ILDR2: variants seen among roughly 807,000 people sequenced by gnomAD.
The protein encoded by ILDR2 is immunoglobulin-like domain-containing receptor 2.
In ILDR2, 25 loss-of-function variants were observed where a neutral mutation model predicts 66.8. That is an observed-to-expected ratio of 0.37 (90% CI 0.27 to 0.52). The LOEUF (loss-of-function observed/expected upper bound fraction) is 0.52. Among genes scored for constraint, ILDR2 ranks in the 20% least tolerant of loss-of-function variants. ILDR2 has a pLI of 0.88. For synonymous variants in ILDR2, 367 were observed against 357.2 expected, an observed-to-expected ratio of 1.03 and a Z score of -0.31; for missense variants, 827 against 876.8, an observed-to-expected ratio of 0.94 and a Z score of 0.72.
At chr1:166,973,928 G>A (rs1490100254) in intron 1 of ILDR2, among the ~76,000 whole-genome samples, 1 of 152,166 alleles carries the variant, frequency 6.6e-6, no homozygotes, top group African/African-American at 2.4e-5. Context: ...AATGTTAGGG[G>A]CATTTCATTT....
At chr1:166,907,083 T>C (rs1359832669), downstream of ILDR2, 1 of 152,210 alleles carries the variant, frequency 6.6e-6, no homozygotes, top group Non-Finnish European at 1.5e-5. Context: ...TTAGGTCAAT[T>C]TTTTCTTTCT....
chr1:166,943,824 A>AT, intron 3 of ILDR2: 1 of 985,312 alleles, frequency 1.0e-6, no homozygotes, highest in Non-Finnish European at 1.2e-6. Flanking sequence ...AAGAGTGGCA[A>AT]TTACAAGTCA....
intron 3 of ILDR2, among the ~76,000 whole-genome samples, chr1:166,947,894 G>T (rs2101945516): frequency 6.6e-6 from 1 of 152,312 alleles, no homozygotes; most frequent in Non-Finnish European, 1.5e-5. Flanking sequence ...GACCGGGGTG[G>T]CTGGGGGCTT....
chr1:166,906,518 T>C (rs558993509), downstream of ILDR2, among the ~76,000 whole-genome samples: 1 of 152,306 alleles, frequency 6.6e-6, no homozygotes, highest in East Asian at 1.9e-4. Context: ...TCTACAAATG[T>C]TTCTGCATAT....
At chr1:166,950,907 ATGAGC>A (rs1244857805) in intron 3 of ILDR2, among the ~76,000 whole-genome samples, 1 of 152,194 alleles carries the variant, frequency 6.6e-6, no homozygotes, top group East Asian at 1.9e-4. Context: ...TCAATCCCAA[ATGAGC>A]GCCTTACTCA....
At chr1:166,952,666 C>T (rs564237853) in intron 3 of ILDR2, among the ~76,000 whole-genome samples, 9 of 152,250 alleles carry the variant, frequency 5.9e-5, no homozygotes, top group Admixed American at 5.9e-4. Context: ...GTTAGAGCTT[C>T]GGTCAATGGT....
chr1:166,924,073 C>T (rs565710617), intron 7 of ILDR2, among the ~76,000 whole-genome samples: 46 of 152,296 alleles, frequency 3.0e-4, no homozygotes, highest in African/African-American at 1.1e-3. Flanking sequence ...GGTCTCCCAA[C>T]ACAGCCTCCT....
chr1:166,969,256 T>G (rs1434212481), intron 1 of ILDR2, among the ~76,000 whole-genome samples: 1 of 152,184 alleles, frequency 6.6e-6, no homozygotes, highest in African/African-American at 2.4e-5. Flanking sequence ...CTCAGCTGAA[T>G]GCAAGGGCCC....
chr1:166,944,641 C>T (rs1225723576), intron 3 of ILDR2, among the ~76,000 whole-genome samples: 1 of 152,158 alleles, frequency 6.6e-6, no homozygotes. Flanking sequence ...ACACCTTTTT[C>T]TTGGTAGGTT....
At chr1:166,971,454 A>C (rs925233070) in intron 1 of ILDR2, among the ~76,000 whole-genome samples, 2 of 152,104 alleles carry the variant, frequency 1.3e-5, no homozygotes, top group African/African-American at 4.8e-5. Context: ...AGTGACTGGA[A>C]AACTTGGTTT....
At chr1:166,954,110 CT>C (rs1179043653) in intron 3 of ILDR2, among the ~76,000 whole-genome samples, 2 of 152,146 alleles carry the variant, frequency 1.3e-5, no homozygotes, top group East Asian at 3.9e-4. Context: ...AGACCAAATC[CT>C]CCAATCATTC....
chr1:166,941,677 TC>T (rs1661319532), intron 3 of ILDR2, among the ~76,000 whole-genome samples: 2 of 152,216 alleles, frequency 1.3e-5, no homozygotes, highest in African/African-American at 4.8e-5. Context: ...ATTGTTTTTT[TC>T]AATCTGCATA....
chr1:166,920,606 C>G, intron 9 of ILDR2, 101 bp downstream of exon 9: 1 of 1,268,674 alleles, frequency 7.9e-7, no homozygotes, highest in Non-Finnish European at 1.0e-6. Context: ...AGGACCCTCC[C>G]GCCTCGCCAC....
Position 166,920,889 on chromosome 1 carries a change from A to T in ILDR2, c.1702T>A (p.Trp568Arg). The change falls in exon 9 of 10, where the codon TGG (tryptophan) becomes AGG (arginine). Residue 568 changes from tryptophan to arginine, a missense_variant. By Grantham distance (101) the Trp-to-Arg change is moderately radical. This residue lies in a region of ILDR2 where 390 missense variants were observed against 353.6 expected (regional missense o/e 1.10). Transcript: ENST00000271417. ...LGPRSASYYA[W>R]SPPGTYKAGS... ...GCCTTGTAGGTGCCGGGCGGCGACC[A>T]AGCGTAGTAGGAGGCGCTGCGCGGG... 2 of 1,490,562 alleles carry T rather than the reference A, an allele frequency of 1.3e-6. No homozygotes were observed. Among genetic ancestry groups the T allele is most frequent in the Non-Finnish European group, 1.8e-6 (2 of 1,124,748 alleles). The allele number at this position is 1,490,562 out of a possible 1,614,324, so 92.3% of individuals were successfully genotyped here.
intron 3 of ILDR2, among the ~76,000 whole-genome samples, chr1:166,948,305 T>C (rs1371837956): frequency 1.3e-5 from 2 of 152,146 alleles, no homozygotes. Context: ...CCTGTTGTCT[T>C]GCCAGAAATT....
At chr1:166,972,303 C>T (rs1663352594) in intron 1 of ILDR2, among the ~76,000 whole-genome samples, 1 of 152,144 alleles carries the variant, frequency 6.6e-6, no homozygotes, top group South Asian at 2.1e-4. Flanking sequence ...GAAAACACAT[C>T]GCTTGCTCCA....
intron 1 of ILDR2, among the ~76,000 whole-genome samples, chr1:166,965,901 T>C (rs868209975): frequency 7.2e-5 from 11 of 152,138 alleles, no homozygotes; most frequent in Middle Eastern, 3.2e-3. Flanking sequence ...GTTTTTTAAG[T>C]GTAGGAGATG....
chr1:166,953,587 A>T (rs1662112614), intron 3 of ILDR2, among the ~76,000 whole-genome samples: 6 of 152,178 alleles, frequency 3.9e-5, no homozygotes, highest in Admixed American at 3.9e-4. Flanking sequence ...TTGAGGGATT[A>T]GTCCTCTTAG....
rs113576444 is a variant in ILDR2 at position 166,921,481 on chromosome 1, A to G, written c.1212-102T>C. 13 of 980,740 alleles carry G rather than the reference A, an allele frequency of 1.3e-5. No homozygotes were observed. In the African/African-American group the frequency reaches 1.5e-4, roughly 11 times the overall value. 60.8% of individuals were successfully genotyped at this position (980,740 alleles called of 1,614,324 possible). A position where few individuals can be genotyped will look rare whatever the true frequency, so the allele number is the denominator to read the frequency against. On this transcript the variant is annotated intron_variant, in intron 8 of 9. Coordinates refer to ENST00000271417, the MANE Select transcript of ILDR2 (RefSeq NM_199351.3). The surrounding 1 kb of genome is among the most constrained non-coding windows in gnomAD (Gnocchi z 5.3). ...CGTGTCCTGGGGCCACGCTCAGGAGACCTCGGCCTGAGCCTCAGCTCCGCT... is the reference window on the plus strand; with the variant it reads ...CGTGTCCTGGGGCCACGCTCAGGAGGCCTCGGCCTGAGCCTCAGCTCCGCT...
Sources: gnomAD v4.1 joint callset for allele counts (sites outside exome capture counted in the v4.1 genomes callset) on GRCh38, gnomAD v4.1.1 for gene constraint, gnomAD v4.1.1 regional missense constraint, Gnocchi (gnomAD v3.1) non-coding constraint, MANE v1.5 for transcripts, NCBI Gene and HGNC (gene_info 2026-07-23, HGNC 2026-07-21) for gene names.